The following SPECC1L variants were observed in gnomAD, a reference collection of about 807,000 sequenced individuals.
SPECC1L encodes the protein cytospin-A.
SPECC1L carries 40 observed loss-of-function variants against 116.8 expected under a neutral mutation model. The ratio of observed to expected loss-of-function variants is 0.34; its 90% CI spans 0.27 to 0.45. SPECC1L has a LOEUF of 0.45. SPECC1L is among the 20% of genes least tolerant of loss of function. SPECC1L has a pLI of 1.00. For synonymous variants in SPECC1L, 504 were observed against 500.6 expected (o/e 1.01, Z -0.09); for missense variants, 1,110 against 1,373.6 (o/e 0.81, Z 3.03).
chr22:24,357,971 A>T (rs2041564233), intron 11 of SPECC1L, among the ~76,000 whole-genome samples: 1 of 151,946 alleles, frequency 6.6e-6, no homozygotes, highest in African/African-American at 2.4e-5. Flanking sequence ...CTTTTCTGCC[A>T]TTTCTAGGAC....
intron 11 of SPECC1L, among the ~76,000 whole-genome samples, chr22:24,352,621 C>A (rs553371134): frequency 1.3e-5 from 2 of 152,248 alleles, no homozygotes; most frequent in South Asian, 4.1e-4. Flanking sequence ...TGTTTAAAAA[C>A]TTTCACAGAA....
intron 1 of SPECC1L, among the ~76,000 whole-genome samples, chr22:24,273,674 A>G (rs2048775124): frequency 6.6e-6 from 1 of 152,206 alleles, no homozygotes; most frequent in Admixed American, 6.5e-5. Context: ...GTCACAGTCT[A>G]CTGAGAAATC....
intron 14 of SPECC1L, among the ~76,000 whole-genome samples, chr22:24,376,233 C>T (rs148837243): frequency 2.4e-4 from 37 of 152,252 alleles, no homozygotes; most frequent in Non-Finnish European, 4.7e-4. Flanking sequence ...CTATGTTGCC[C>T]AGTCTAGGTT....
At chr22:24,336,301 A>G (rs2041054145) in intron 9 of SPECC1L, among the ~76,000 whole-genome samples, 1 of 151,986 alleles carries the variant, frequency 6.6e-6, no homozygotes, top group Non-Finnish European at 1.5e-5. Context: ...GTGTGTGTAC[A>G]TATATAGTGT....
At chr22:24,272,655 A>G (rs1283818435) in intron 1 of SPECC1L, among the ~76,000 whole-genome samples, 1 of 149,674 alleles carries the variant, frequency 6.7e-6, no homozygotes, top group East Asian at 2.0e-4. Flanking sequence ...CGACAGAGTG[A>G]GACTCTGTCT....
intron 3 of SPECC1L, among the ~76,000 whole-genome samples, 153 bp from the exon 4 acceptor site, chr22:24,313,160 G>T (rs2040494258): frequency 6.6e-6 from 1 of 152,202 alleles, no homozygotes; most frequent in South Asian, 2.1e-4. Context: ...TTCTGTTTCT[G>T]TAGGACAGTA....
At chr22:24,411,143 C>G (rs1333351847) in intron 14 of SPECC1L, among the ~76,000 whole-genome samples, 1 of 152,060 alleles carries the variant, frequency 6.6e-6, no homozygotes, top group African/African-American at 2.4e-5. Context: ...GAGCCGAGAT[C>G]ATGCCACTGC....
At chr22:24,313,616 C>G (rs2040502324) in intron 4 of SPECC1L, 150 bp downstream of exon 4, 1 of 881,986 alleles carries the variant, frequency 1.1e-6, no homozygotes, top group African/African-American at 1.7e-5. Context: ...CGCTCATCAC[C>G]ATTATCAACT....
intron 11 of SPECC1L, among the ~76,000 whole-genome samples, chr22:24,360,083 A>T (rs900400366): frequency 6.6e-6 from 1 of 152,208 alleles, no homozygotes; most frequent in African/African-American, 2.4e-5. Context: ...TTTTTGTTTA[A>T]TGAATGGATT....
At chr22:24,385,315 A>C (rs1245717841) in intron 14 of SPECC1L, among the ~76,000 whole-genome samples, 5 of 152,298 alleles carry the variant, frequency 3.3e-5, no homozygotes, top group Non-Finnish European at 2.9e-5. Context: ...AAGGAGAGAA[A>C]AGGAACAAAG....
intron 14 of SPECC1L, among the ~76,000 whole-genome samples, chr22:24,376,970 T>C (rs2041983724): frequency 6.6e-6 from 1 of 152,178 alleles, no homozygotes; most frequent in African/African-American, 2.4e-5. Flanking sequence ...TTTTAGGCTA[T>C]TTTTACCACT....
In SPECC1L at chr22:24,326,111, A is replaced by ACCCGG. The variant is rs552992512; in HGVS notation, c.2146+1686_2146+1690dup. 2.2e-3 allele frequency among the ~76,000 whole-genome samples: 330 copies of ACCCGG among 151,870 alleles called. 1 individual carries two copies. Among genetic ancestry groups the ACCCGG allele is most frequent in the Non-Finnish European group, 3.7e-3 (252 of 67,930 alleles). On this transcript the variant is annotated intron_variant, in intron 6 of 16. Coordinates refer to ENST00000314328, the MANE Select transcript of SPECC1L (RefSeq NM_015330.6). The stretch of plus-strand genomic sequence containing the variant: ...TGGAATTACAGGCGCCCACTACCAC[A>ACCCGG]CCCGGCTAATTTTTTATTTTTAGTA...
intron 10 of SPECC1L, among the ~76,000 whole-genome samples, chr22:24,341,978 C>T (rs546697238): frequency 8.5e-5 from 13 of 152,298 alleles, no homozygotes; most frequent in Admixed American, 6.5e-4. Context: ...ATTGCCTCCT[C>T]GTGCTAGACC....
intron 14 of SPECC1L, among the ~76,000 whole-genome samples, chr22:24,379,317 C>G (rs1266792445): frequency 6.6e-6 from 1 of 151,650 alleles, no homozygotes; most frequent in Admixed American, 6.6e-5. Context: ...GAAGTTGAGG[C>G]TGCTGTGAGC....
Position 24,369,258 on chromosome 22 carries a change from T to C in SPECC1L, c.3025T>C (p.Tyr1009His). The change falls in exon 14 of 17, where the codon TAT (tyrosine) becomes CAT (histidine). Residue 1009 changes from tyrosine (Y) to histidine (H), a missense_variant. Coordinates refer to ENST00000314328, the MANE Select transcript of SPECC1L (RefSeq NM_015330.6). ...KDPLSALAREYGGSKRNALLK... is the reference protein window; with the variant it reads ...KDPLSALAREHGGSKRNALLK... ...CCCTCTCTCAGCATTGGCCAGAGAA[T>C]ATGGAGGATCAAAGAGGAACGCCTT... 1 of 1,614,178 alleles carries C rather than the reference T, an allele frequency of 6.2e-7. No homozygotes were observed. The highest frequency in any genetic ancestry group is 8.5e-7 in the Non-Finnish European group (1 of 1,179,980).
chr22:24,379,217 T>TA (rs2042019568), intron 14 of SPECC1L, among the ~76,000 whole-genome samples: 3 of 149,818 alleles, frequency 2.0e-5, no homozygotes, highest in Non-Finnish European at 4.5e-5. Context: ...CTATTAAAAT[T>TA]TAAAAAAAAA....
chr22:24,300,305 G>T (rs1235811954), intron 2 of SPECC1L, among the ~76,000 whole-genome samples: 2 of 152,182 alleles, frequency 1.3e-5, no homozygotes, highest in African/African-American at 2.4e-5. Flanking sequence ...CAAAGGACAT[G>T]ATCTCATTCC....
At chr22:24,279,315 C>T (rs2048896849) in intron 2 of SPECC1L, among the ~76,000 whole-genome samples, 2 of 152,184 alleles carry the variant, frequency 1.3e-5, no homozygotes, top group Admixed American at 6.5e-5. Context: ...CTGTGCTGAC[C>T]TCTACTCTGT....
intron 2 of SPECC1L, among the ~76,000 whole-genome samples, chr22:24,286,844 G>A (rs1310443592): frequency 6.6e-6 from 1 of 152,194 alleles, no homozygotes; most frequent in Non-Finnish European, 1.5e-5. Context: ...GCAGGCAGAG[G>A]TTACAGTGAG....
Sources: allele counts gnomAD v4.1 joint callset (sites outside exome capture counted in the v4.1 genomes callset), GRCh38; gene constraint gnomAD v4.1.1; transcripts MANE v1.5; gene names NCBI Gene and HGNC (gene_info 2026-07-23, HGNC 2026-07-21).